OTOGL: variants seen among roughly 807,000 people sequenced by gnomAD.
OTOGL encodes the protein otogelin like.
A neutral mutation model predicts 318.5 loss-of-function variants in OTOGL; 285 were observed. That is an observed-to-expected ratio of 0.89 (90% CI 0.81 to 0.99). The LOEUF (loss-of-function observed/expected upper bound fraction) is 0.99. OTOGL is among the 50% of genes least tolerant of loss of function. OTOGL has a pLI of 0.00. For synonymous variants in OTOGL, 987 were observed against 936.5 expected, an observed-to-expected ratio of 1.05 and a Z score of -0.99; for missense variants, 2,899 against 2,845.6, an observed-to-expected ratio of 1.02 and a Z score of -0.43.
At chr12:80,327,289 T>C (rs1887735271) in intron 35 of OTOGL, among the ~76,000 whole-genome samples, 1 of 152,154 alleles carries the variant, frequency 6.6e-6, no homozygotes, top group Non-Finnish European at 1.5e-5. Flanking sequence ...TCTTGAAATT[T>C]GAGACTTTCC....
intron 1 of OTOGL, among the ~76,000 whole-genome samples, chr12:80,203,605 A>G (rs1406360544): frequency 6.6e-6 from 1 of 152,186 alleles, no homozygotes; most frequent in African/African-American, 2.4e-5. Flanking sequence ...AGAGCGAGGT[A>G]AGAGTACCAA....
At chr12:80,155,773 A>C (rs1270656294) in intron 1 of OTOGL, among the ~76,000 whole-genome samples, 1 of 151,840 alleles carries the variant, frequency 6.6e-6, no homozygotes, top group Non-Finnish European at 1.5e-5. Flanking sequence ...CTCTCCACTC[A>C]TTTTCTCAGC....
At chr12:80,163,064 TTATC>T (rs1346399769) in intron 1 of OTOGL, among the ~76,000 whole-genome samples, 5 of 152,262 alleles carry the variant, frequency 3.3e-5, no homozygotes, top group East Asian at 1.9e-4. Context: ...TACATCATAA[TTATC>T]TATCTGTCAG....
At chr12:80,254,992 A>C (rs1592614335) in intron 15 of OTOGL, 48 bp from the exon 16 acceptor site, 15 of 1,351,914 alleles carry the variant, frequency 1.1e-5, no homozygotes, top group South Asian at 1.8e-5. Flanking sequence ...CTCCTCCTCT[A>C]TCTCCACCTC....
At chr12:80,173,710 G>C (rs569552982) in intron 1 of OTOGL, among the ~76,000 whole-genome samples, 1 of 152,218 alleles carries the variant, frequency 6.6e-6, no homozygotes, top group South Asian at 2.1e-4. Context: ...TATTCAAGAT[G>C]GAGTTGCTCT....
chr12:80,157,141 G>T (rs765365798), intron 1 of OTOGL, among the ~76,000 whole-genome samples: 1 of 152,062 alleles, frequency 6.6e-6, no homozygotes, highest in Non-Finnish European at 1.5e-5. Flanking sequence ...TTTAATTGAG[G>T]TGAGGTGATA....
intron 1 of OTOGL, 64 bp from the exon 2 acceptor site, chr12:80,209,349 C>A: frequency 1.1e-6 from 1 of 891,754 alleles, no homozygotes; most frequent in South Asian, 2.6e-5. Context: ...TTTGAGTACC[C>A]TACAAATATG....
intron 27 of OTOGL, among the ~76,000 whole-genome samples, chr12:80,301,050 T>A (rs1885727786): frequency 6.6e-6 from 1 of 152,256 alleles, no homozygotes; most frequent in Non-Finnish European, 1.5e-5. Flanking sequence ...TAAATTTATT[T>A]CATTTCCCCT....
At chr12:80,160,739 A>G (rs1873453188) in intron 1 of OTOGL, among the ~76,000 whole-genome samples, 1 of 152,174 alleles carries the variant, frequency 6.6e-6, no homozygotes, top group Non-Finnish European at 1.5e-5. Flanking sequence ...CTGAATATTT[A>G]CCCAGAGGAA....
chr12:80,294,003 G>C (rs1885218359), intron 26 of OTOGL, among the ~76,000 whole-genome samples: 1 of 152,048 alleles, frequency 6.6e-6, no homozygotes, highest in South Asian at 2.1e-4. Flanking sequence ...GACAGTTTCT[G>C]TTTCAGAGTC....
chr12:80,356,093 A>G, intron 47 of OTOGL, 145 bp downstream of exon 47: 1 of 877,174 alleles, frequency 1.1e-6, no homozygotes, highest in Non-Finnish European at 1.8e-6. Flanking sequence ...GTTTCATTAC[A>G]ATTCTGTTGA....
intron 8 of OTOGL, among the ~76,000 whole-genome samples, chr12:80,231,721 G>T (rs1279650007): frequency 6.6e-6 from 1 of 151,766 alleles, no homozygotes; most frequent in African/African-American, 2.4e-5. Context: ...CACAACCTCT[G>T]CCTCCCAGGT....
At chr12:80,292,001 T>G (rs566852980) in intron 26 of OTOGL, among the ~76,000 whole-genome samples, 1 of 152,298 alleles carries the variant, frequency 6.6e-6, no homozygotes, top group South Asian at 2.1e-4. Context: ...TTTTTTTGTT[T>G]TTTTGAGATG....
chr12:80,260,426 C>A (rs112630751), intron 18 of OTOGL, among the ~76,000 whole-genome samples: 6 of 152,052 alleles, frequency 3.9e-5, no homozygotes, highest in African/African-American at 1.4e-4. Flanking sequence ...GTTTAAGAGT[C>A]GGCAGATCTG....
chr12:80,353,554 C>T, intron 46 of OTOGL, 44 bp downstream of exon 46: 1 of 1,307,732 alleles, frequency 7.6e-7, no homozygotes, highest in Non-Finnish European at 1.0e-6. Flanking sequence ...ATCCGGCAAA[C>T]AAACAAAAAC....
intron 8 of OTOGL, among the ~76,000 whole-genome samples, chr12:80,230,948 T>G (rs1879306648): frequency 6.6e-6 from 1 of 152,224 alleles, no homozygotes; most frequent in South Asian, 2.1e-4. Context: ...GTTTAAACTA[T>G]TATTTCCCAT....
Position 80,255,447 on chromosome 12 carries a change from T to A in OTOGL, c.1587+262T>A, listed in dbSNP as rs530130306. Among the ~76,000 whole-genome samples the A allele has an allele frequency of 3.9e-5, 6 of 152,084 alleles. 1 individual carries two copies. In the South Asian group the frequency reaches 6.2e-4, roughly 16 times the overall value. ...AACAAGTATGTCTTAGATTAAATAC[T>A]ATATATTTAATTGCATTTTCTTTTT... On this transcript the variant is annotated intron_variant, in intron 16 of 58. Transcript: ENST00000547103.
chr12:80,132,110 A>G (rs1173979574), intron 1 of OTOGL: 1 of 152,214 alleles, frequency 6.6e-6, no homozygotes, highest in Non-Finnish European at 1.5e-5. Flanking sequence ...CTTTTGGCAT[A>G]CTTTCCAGGT....
chr12:80,224,665 G>GT (rs1307879493), intron 7 of OTOGL, among the ~76,000 whole-genome samples: 1 of 151,880 alleles, frequency 6.6e-6, no homozygotes, highest in Non-Finnish European at 1.5e-5. Context: ...GTATTTTAAT[G>GT]TTTTTTGCAG....
Sources: gnomAD v4.1 joint callset for allele counts (sites outside exome capture counted in the v4.1 genomes callset) on GRCh38, gnomAD v4.1.1 for gene constraint, MANE v1.5 for transcripts, NCBI Gene and HGNC (gene_info 2026-07-23, HGNC 2026-07-21) for gene names.